The following SPATA16 variants were observed in gnomAD, a reference collection of about 807,000 sequenced individuals.
SPATA16 encodes the protein spermatogenesis associated 16.
In SPATA16, 36 loss-of-function variants were observed where a neutral mutation model predicts 63.3. That is an observed-to-expected ratio of 0.57 (90% confidence interval 0.44 to 0.75). The LOEUF is 0.75. SPATA16 is among the 30% of genes least tolerant of loss of function. The pLI is 0.00. For synonymous variants in SPATA16, 203 were observed against 216.7 expected (o/e 0.94, Z 0.56); for missense variants, 646 against 679.3 (o/e 0.95, Z 0.54).
intron 6 of SPATA16, among the ~76,000 whole-genome samples, chr3:172,954,042 G>A (rs1347239298): frequency 6.6e-6 from 1 of 152,164 alleles, no homozygotes; most frequent in Non-Finnish European, 1.5e-5. Flanking sequence ...ATAAATAGCT[G>A]AATAAATTTT....
chr3:173,069,123 A>AG (rs1339797359), intron 2 of SPATA16, among the ~76,000 whole-genome samples: 12 of 151,368 alleles, frequency 7.9e-5, no homozygotes, highest in Admixed American at 4.6e-4. Context: ...AAAAAAAAAA[A>AG]AAAGAAAGAA....
At chr3:172,940,141 C>A (rs1266235254) in intron 6 of SPATA16, among the ~76,000 whole-genome samples, 1 of 152,152 alleles carries the variant, frequency 6.6e-6, no homozygotes, top group African/African-American at 2.4e-5. Context: ...TTTGGCTGTT[C>A]CTGAGTGATA....
At chr3:173,090,932 C>G (rs1737205985) in intron 2 of SPATA16, among the ~76,000 whole-genome samples, 1 of 152,096 alleles carries the variant, frequency 6.6e-6, no homozygotes, top group African/African-American at 2.4e-5. Context: ...CTGGGCACCT[C>G]TCTTTTTTGA....
intron 6 of SPATA16, among the ~76,000 whole-genome samples, chr3:172,954,602 A>G (rs1479979105): frequency 6.6e-6 from 1 of 152,022 alleles, no homozygotes; most frequent in Non-Finnish European, 1.5e-5. Context: ...CTTCTGGGAG[A>G]GGTGTCCAGA....
chr3:172,980,528 G>A lies in SPATA16; in HGVS notation c.849-3476C>T, dbSNP rs757756799. 2.6e-4 allele frequency among the ~76,000 whole-genome samples: 40 copies of A among 152,188 alleles called. 1 individual carries two copies. Among genetic ancestry groups the A allele is most frequent in the Middle Eastern group, 6.8e-3 (2 of 294 alleles). ...AAACCCTTTTAACTGACGATCGGCGGCTTAACATCTGCTAATTTTGAGCCT... is the reference window on the plus strand; with the variant it reads ...AAACCCTTTTAACTGACGATCGGCGACTTAACATCTGCTAATTTTGAGCCT... On this transcript the variant is annotated intron_variant, in intron 4 of 10. Transcript: ENST00000351008.
intron 1 of SPATA16, among the ~76,000 whole-genome samples, chr3:173,121,205 T>C (rs76356589): frequency 3.8e-5 from 5 of 131,960 alleles, no homozygotes; most frequent in Admixed American, 7.3e-5. Flanking sequence ...CTGTACAGCC[T>C]TTTTTTTTTT....
intron 1 of SPATA16, among the ~76,000 whole-genome samples, chr3:173,124,555 G>A (rs149258115): frequency 1.6e-3 from 248 of 152,122 alleles, no homozygotes; most frequent in African/African-American, 5.7e-3. Context: ...TTTTGTTATT[G>A]GACTGATCCT....
At chr3:172,959,720 GAGAC>G (rs1279749281) in intron 5 of SPATA16, among the ~76,000 whole-genome samples, 1 of 150,634 alleles carries the variant, frequency 6.6e-6, no homozygotes. Context: ...TATTCTTCTA[GAGAC>G]AGACAATCTT....
At chr3:172,931,433 A>C (rs1732870657) in intron 6 of SPATA16, among the ~76,000 whole-genome samples, 1 of 152,064 alleles carries the variant, frequency 6.6e-6, no homozygotes, top group African/African-American at 2.4e-5. Context: ...TTTTTAGTAG[A>C]GATGGGGTCT....
At chr3:173,123,483 T>G (rs1738140088) in intron 1 of SPATA16, among the ~76,000 whole-genome samples, 1 of 152,116 alleles carries the variant, frequency 6.6e-6, no homozygotes. Flanking sequence ...AGTAACAAGA[T>G]ATTTGACTTT....
chr3:172,932,242 A>C (rs1227944753), intron 6 of SPATA16, among the ~76,000 whole-genome samples: 1 of 152,238 alleles, frequency 6.6e-6, no homozygotes, highest in Non-Finnish European at 1.5e-5. Flanking sequence ...TCTTAAAAAG[A>C]AAAATCATAG....
At chr3:173,120,104 G>A (rs535689888) in intron 1 of SPATA16, among the ~76,000 whole-genome samples, 1 of 151,216 alleles carries the variant, frequency 6.6e-6, no homozygotes, top group African/African-American at 2.4e-5. Flanking sequence ...AAAAAAAAGA[G>A]AGAGAAAAAA....
chr3:172,967,983 C>G (rs949038174), intron 5 of SPATA16, among the ~76,000 whole-genome samples: 2 of 152,096 alleles, frequency 1.3e-5, no homozygotes, highest in Admixed American at 1.3e-4. Flanking sequence ...GAAACCATCC[C>G]CCCACCCTAG....
At chr3:173,134,616 A>G (rs1738489403) in intron 1 of SPATA16, among the ~76,000 whole-genome samples, 1 of 152,202 alleles carries the variant, frequency 6.6e-6, no homozygotes, top group Non-Finnish European at 1.5e-5. Flanking sequence ...CCTCACCAGA[A>G]ACAGCAGATG....
chr3:173,049,922 C>CT (rs1324769169), intron 2 of SPATA16, among the ~76,000 whole-genome samples: 3 of 151,970 alleles, frequency 2.0e-5, no homozygotes, highest in Non-Finnish European at 4.4e-5. Context: ...AAAAGAAGTC[C>CT]TATCTATGTT....
At position 173,117,244 on chromosome 3, in the gene SPATA16, A is replaced by G. The variant is rs747413458; in HGVS notation, c.488T>C (p.Val163Ala). The change falls in exon 2 of 11, where the codon GTA becomes GCA. Residue 163 changes from valine (V) to alanine (A), a missense_variant. By Grantham distance (64) the Val-to-Ala change is moderately conservative (BLOSUM62 0). Transcript: ENST00000351008. ...CTGAGGCAGAAAGCTGAAATTATGT[A>G]CACTCAAAGGGTCTACTATTTCAGC... ...QAAEIVDPLS[V>A]HNFSFLPQID... 2 of 1,614,190 alleles carry G rather than the reference A, an allele frequency of 1.2e-6. No individual in the cohort carries two copies. Among genetic ancestry groups the G allele is most frequent in the Admixed American group, 3.3e-5 (2 of 60,032 alleles).
At chr3:172,906,107 A>G (rs1363045346) in intron 10 of SPATA16, among the ~76,000 whole-genome samples, 8 of 152,216 alleles carry the variant, frequency 5.3e-5, no homozygotes, top group Admixed American at 3.9e-4. Context: ...ATTCTATGAC[A>G]AGAAGAAATA....
At chr3:172,963,719 T>C (rs1733842064) in intron 5 of SPATA16, among the ~76,000 whole-genome samples, 1 of 152,062 alleles carries the variant, frequency 6.6e-6, no homozygotes, top group South Asian at 2.1e-4. Context: ...ATTTCCATGG[T>C]CCTTCAAGAT....
chr3:173,013,399 G>C (rs1207718377), intron 4 of SPATA16, among the ~76,000 whole-genome samples: 1 of 152,194 alleles, frequency 6.6e-6, no homozygotes, highest in East Asian at 1.9e-4. Flanking sequence ...ACCAGAGAGA[G>C]ACCTTGGGAT....
Sources: allele counts gnomAD v4.1 joint callset (sites outside exome capture counted in the v4.1 genomes callset), GRCh38; gene constraint gnomAD v4.1.1; transcripts MANE v1.5; gene names NCBI Gene and HGNC (gene_info 2026-07-23, HGNC 2026-07-21).